Variants in MORN5 observed in about 807,000 individuals in gnomAD.
MORN5 encodes the protein MORN repeat-containing protein 5.
Under a neutral mutation model 22.1 loss-of-function variants are expected in MORN5, and 21 were observed. That is an observed-to-expected ratio of 0.95 (90% CI 0.67 to 1.37). MORN5 has a LOEUF of 1.37. Ranked by LOEUF, MORN5 falls within the 40% of genes most tolerant of loss-of-function variation. MORN5 has a pLI of 0.00. For synonymous variants in MORN5, 73 were observed against 74.0 expected (o/e 0.99, Z 0.07); for missense variants, 211 against 215.1 (o/e 0.98, Z 0.12).
At position 122,174,501 on chromosome 9, in the gene MORN5, G is replaced by A. The variant is rs769346125; in HGVS notation, c.313G>A (p.Ala105Thr). 2.5e-6 allele frequency: 4 copies of A among 1,613,852 alleles called. No individual in the cohort carries two copies. In the South Asian group the frequency reaches 3.3e-5, roughly 13 times the overall value. ...GCCCATTATGTTCTTTCAAGGTATG[G>A]CTCAACTCACCAATATGGACCCACC... Reference protein sequence around the residue: ...ILNGLKPAGMAQLTNMDPPRK... With the variant: ...ILNGLKPAGMTQLTNMDPPRK... Residue 105 changes from alanine (A) to threonine (T), a missense_variant, in exon 4 of 5, where the codon GCT becomes ACT. Transcript: ENST00000373764.
intron 1 of MORN5, among the ~76,000 whole-genome samples, chr9:122,162,458 CA>C (rs1281074976): frequency 1.2e-4 from 18 of 152,168 alleles, no homozygotes; most frequent in Non-Finnish European, 2.4e-4. Flanking sequence ...GTTAAACAGC[CA>C]TTCCACTTAT....
At chr9:122,195,497 T>C (rs2416858) in intron 4 of MORN5, among the ~76,000 whole-genome samples, 76,164 of 151,924 alleles carry the variant, frequency 0.5, 22,114 homozygotes, top group African/African-American at 0.79. Context: ...TTGGGGAGTA[T>C]CGGTCAGATA....
Position 122,197,893 on chromosome 9 carries a change from G to A in MORN5, c.440-1992G>A, listed in dbSNP as rs1303460927. On this transcript the variant is annotated intron_variant, in intron 4 of 4. Transcript: ENST00000373764. This position sits in a 1 kb window ranked among gnomAD's most constrained non-coding sequence, Gnocchi z 5.7. ...CCCACCCCTGGATTTCCCAGCCGCA[G>A]CAGGGACTCCCAGGCAGCCTCCCCA... Among the ~76,000 whole-genome samples the A allele has an allele frequency of 6.6e-6, 1 of 152,214 alleles. No homozygotes were observed. Among genetic ancestry groups the A allele is most frequent in the African/African-American group, 2.4e-5 (1 of 41,454 alleles).
chr9:122,169,954 G>T (rs192254625), intron 3 of MORN5, among the ~76,000 whole-genome samples, 198 bp downstream of exon 3: 17 of 152,308 alleles, frequency 1.1e-4, no homozygotes, highest in African/African-American at 3.8e-4. Context: ...CTAGCCAGAG[G>T]ACCATGGGCA....
chr9:122,195,176 G>A (rs1302652295), intron 4 of MORN5, among the ~76,000 whole-genome samples: 1 of 152,174 alleles, frequency 6.6e-6, no homozygotes, highest in African/African-American at 2.4e-5. Context: ...CTTTTAGGGA[G>A]CACACTGGGT....
intron 2 of MORN5, 100 bp downstream of exon 2, chr9:122,167,015 T>C: frequency 8.6e-7 from 1 of 1,157,264 alleles, no homozygotes; most frequent in Non-Finnish European, 1.2e-6. Flanking sequence ...GCCCACCTTG[T>C]TCCATTCACT....
intron 1 of MORN5, among the ~76,000 whole-genome samples, chr9:122,161,016 G>T (rs148183214): frequency 6.6e-6 from 1 of 152,360 alleles, no homozygotes; most frequent in Admixed American, 6.5e-5. Context: ...ATTCAGTGTG[G>T]TAAGAGCTGT....
At chr9:122,171,834 C>G (rs1829369172) in intron 3 of MORN5, among the ~76,000 whole-genome samples, 1 of 151,934 alleles carries the variant, frequency 6.6e-6, no homozygotes, top group South Asian at 2.1e-4. Flanking sequence ...TCTTCATACT[C>G]TTTGCCACTG....
chr9:122,189,546 A>G (rs557971564), intron 4 of MORN5, among the ~76,000 whole-genome samples: 2 of 152,178 alleles, frequency 1.3e-5, no homozygotes, highest in Non-Finnish European at 2.9e-5. Context: ...GAAGTGAGCC[A>G]TGATCACACT....
At chr9:122,162,944 C>T (rs536740954) in intron 1 of MORN5, among the ~76,000 whole-genome samples, 1 of 151,916 alleles carries the variant, frequency 6.6e-6, no homozygotes, top group South Asian at 2.1e-4. Flanking sequence ...AAATTGTACA[C>T]TTTAAACACG....
chr9:122,175,522 C>G (rs2118758099), intron 4 of MORN5: 1 of 985,368 alleles, frequency 1.0e-6, no homozygotes, highest in Middle Eastern at 5.2e-4. Context: ...AAGTCACACT[C>G]CCACTAGGAA....
At chr9:122,183,454 A>G (rs1425977660) in intron 4 of MORN5, among the ~76,000 whole-genome samples, 2 of 152,192 alleles carry the variant, frequency 1.3e-5, no homozygotes, top group African/African-American at 2.4e-5. Flanking sequence ...GTCTCAGATG[A>G]AAGACACATT....
intron 4 of MORN5, among the ~76,000 whole-genome samples, chr9:122,176,921 T>C (rs79371152): frequency 0.013 from 1,955 of 152,296 alleles, 47 homozygotes; most frequent in African/African-American, 0.045. Context: ...ATCAGGAAAT[T>C]GATGGCTACC....
At chr9:122,169,843 G>A (rs1180251294) in intron 3 of MORN5, 87 bp downstream of exon 3, 2 of 937,746 alleles carry the variant, frequency 2.1e-6, no homozygotes, top group Admixed American at 3.5e-5. Flanking sequence ...TCCTACTAAA[G>A]TAACTTAAAG....
intron 2 of MORN5, among the ~76,000 whole-genome samples, chr9:122,168,691 C>G (rs1483349270): frequency 6.6e-6 from 1 of 151,834 alleles, no homozygotes; most frequent in Non-Finnish European, 1.5e-5. Context: ...GACAAAGGGC[C>G]GTGGCTGATG....
At chr9:122,194,310 A>G (rs1405569267) in intron 4 of MORN5, among the ~76,000 whole-genome samples, 2 of 152,176 alleles carry the variant, frequency 1.3e-5, no homozygotes, top group Non-Finnish European at 2.9e-5. Context: ...ACACTCCCCT[A>G]AGCACTGGGA....
intron 4 of MORN5, among the ~76,000 whole-genome samples, chr9:122,178,978 A>G (rs1293194623): frequency 6.6e-6 from 1 of 152,180 alleles, no homozygotes; most frequent in African/African-American, 2.4e-5. Context: ...AACAGCATAG[A>G]GTTGCTCCCA....
intron 4 of MORN5, among the ~76,000 whole-genome samples, chr9:122,179,376 A>G (rs1312156760): frequency 6.6e-6 from 1 of 152,202 alleles, no homozygotes; most frequent in Non-Finnish European, 1.5e-5. Context: ...GATTACATAT[A>G]GAGAAGAGGC....
intron 4 of MORN5, among the ~76,000 whole-genome samples, chr9:122,193,208 C>A (rs892023351): frequency 3.9e-5 from 6 of 152,158 alleles, no homozygotes; most frequent in African/African-American, 1.4e-4. Context: ...GACCATAGTG[C>A]CTCAGCACAC....
Sources: allele counts gnomAD v4.1 joint callset (sites outside exome capture counted in the v4.1 genomes callset), GRCh38; gene constraint gnomAD v4.1.1; non-coding constraint Gnocchi (gnomAD v3.1); transcripts MANE v1.5; gene names NCBI Gene and HGNC (gene_info 2026-07-23, HGNC 2026-07-21).